The following ANKFN1 variants were observed in gnomAD, a reference collection of about 807,000 sequenced individuals.
ANKFN1 encodes the protein ankyrin repeat and fibronectin type-III domain-containing protein 1.
Under a neutral mutation model 108.7 loss-of-function variants are expected in ANKFN1, and 74 were observed. The ratio of observed to expected loss-of-function variants is 0.68; its 90% CI spans 0.56 to 0.83. The LOEUF is 0.83. Among genes scored for constraint, ANKFN1 ranks in the 40% least tolerant of loss-of-function variants. The pLI, the probability that ANKFN1 is intolerant of heterozygous loss-of-function variation, is 0.00. For synonymous variants in ANKFN1, 547 were observed against 516.2 expected, an observed-to-expected ratio of 1.06 and a Z score of -0.81; for missense variants, 1,505 against 1,382.3, an observed-to-expected ratio of 1.09 and a Z score of -1.41.
At chr17:56,359,570 G>T (rs1198464152) in intron 6 of ANKFN1, among the ~76,000 whole-genome samples, 1 of 152,068 alleles carries the variant, frequency 6.6e-6, no homozygotes, top group African/African-American at 2.4e-5. Flanking sequence ...GAACTAGAAA[G>T]TGTCACTCAG....
At chr17:56,322,343 C>T (rs2045395701) in intron 3 of ANKFN1, among the ~76,000 whole-genome samples, 1 of 152,128 alleles carries the variant, frequency 6.6e-6, no homozygotes, top group Non-Finnish European at 1.5e-5. Flanking sequence ...CTTTCATCTC[C>T]TAATTTACAT....
At position 56,510,627 on chromosome 17, in the gene ANKFN1, C is replaced by T. The variant is rs1200772561; in HGVS notation, c.2799C>T (p.Ser933=). 2.0e-6 allele frequency: 3 copies of T among 1,536,082 alleles called. No individual in the cohort carries two copies. Among genetic ancestry groups the T allele is most frequent in the Non-Finnish European group, 2.6e-6 (3 of 1,146,934 alleles). The change falls in exon 21 of 21, where the codon AGC becomes AGT. Residue 933 remains serine (S), a synonymous_variant. Coordinates refer to ENST00000682825, the MANE Select transcript of ANKFN1 (RefSeq NM_001370326.1). ...CGCAGCAGACCCTTAGCGGCCTAAG[C>T]GGCAGCGCCCCCGACGTCCTGCAAG... is the stretch of plus-strand genomic sequence containing the variant. ...DIAQQTLSGL[S]GSAPDVLQVH...
intron 8 of ANKFN1, among the ~76,000 whole-genome samples, chr17:56,423,526 G>A (rs766028616): frequency 3.9e-5 from 6 of 152,028 alleles, no homozygotes; most frequent in Admixed American, 6.5e-5. Context: ...AAGGCCTTCC[G>A]CATATCAACC....
chr17:56,132,833 C>T (rs914334135), intron 4 of ANKFN1, among the ~76,000 whole-genome samples: 3 of 152,088 alleles, frequency 2.0e-5, no homozygotes, highest in African/African-American at 7.2e-5. Flanking sequence ...TAATCCTATG[C>T]ATGAGTGGGA....
rs1198583894 is a variant in ANKFN1 at position 56,114,580 on chromosome 17, T to C, written c.288+68255T>C. Among the ~76,000 whole-genome samples the C allele has an allele frequency of 2.0e-5, 3 of 152,084 alleles. No individual in the cohort carries two copies. In the East Asian group the frequency reaches 5.8e-4, roughly 29 times the overall value. On this transcript the variant is annotated intron_variant, in intron 4 of 12. Transcript: ENST00000635860. ...AAACATAGTGTGAGGGGTGAGAAAT[T>C]AATACATACATTTGGAAAGCACTTT...
intron 6 of ANKFN1, among the ~76,000 whole-genome samples, chr17:56,358,747 C>T (rs1284382332): frequency 6.6e-6 from 1 of 152,158 alleles, no homozygotes; most frequent in Non-Finnish European, 1.5e-5. Context: ...TGTATAGAGG[C>T]ACCACAGGAC....
At position 56,408,003 on chromosome 17, in the gene ANKFN1, C is replaced by T. The variant is rs983717719; in HGVS notation, c.911-32324C>T. On this transcript the variant is annotated intron_variant, in intron 8 of 20. Transcript: ENST00000682825. ...AGGCTAGAGTGCAGTGGCGTGATTT[C>T]GGCTCACTGCAACCTCCGCCTCCCG... 8.2e-5 allele frequency among the ~76,000 whole-genome samples: 10 copies of T among 122,688 alleles called. No individual in the cohort carries two copies. In the East Asian group the frequency reaches 2.6e-3, roughly 33 times the overall value. The allele number at this position is 122,688 out of a possible 152,430, so 80.5% of individuals were successfully genotyped here. A position where few individuals can be genotyped will look rare whatever the true frequency, so the allele number is the denominator to read the frequency against.
intron 4 of ANKFN1, among the ~76,000 whole-genome samples, chr17:56,095,216 C>A (rs1905510641): frequency 6.6e-6 from 1 of 150,750 alleles, no homozygotes; most frequent in Non-Finnish European, 1.5e-5. Flanking sequence ...AGCAATGTAA[C>A]TATTTTCAGC....
upstream of ANKFN1, among the ~76,000 whole-genome samples, chr17:56,150,179 T>A (rs1464537002): frequency 6.6e-6 from 1 of 152,228 alleles, no homozygotes; most frequent in Non-Finnish European, 1.5e-5. Flanking sequence ...GGTCACAAAG[T>A]GGCAGCCCAG....
chr17:56,271,783 A>T (rs1279630952), intron 3 of ANKFN1, among the ~76,000 whole-genome samples: 1 of 152,208 alleles, frequency 6.6e-6, no homozygotes, highest in African/African-American at 2.4e-5. Context: ...GGGAGATTGC[A>T]TCCGGGGCTG....
At chr17:56,107,913 G>A (rs899346124) in intron 4 of ANKFN1, among the ~76,000 whole-genome samples, 15 of 152,134 alleles carry the variant, frequency 9.9e-5, no homozygotes, top group Non-Finnish European at 1.3e-4. Context: ...CCAGGCTGGA[G>A]TGCAATGGCA....
rs543644651 is a variant in ANKFN1, at chr17:56,304,070, G to C, written c.54-22151G>C. 1.1e-4 allele frequency among the ~76,000 whole-genome samples: 17 copies of C among 152,130 alleles called. No homozygotes were observed. In the South Asian group the frequency reaches 3.5e-3, roughly 32 times the overall value. On this transcript the variant is annotated intron_variant, in intron 3 of 20. Transcript: ENST00000682825. ...TCCAATGATAACAGTACCACAACCA[G>C]AATATTGATATTGTCAAGAAACAGA...
intron 4 of ANKFN1, among the ~76,000 whole-genome samples, chr17:56,056,028 T>C (rs1904871336): frequency 6.6e-6 from 1 of 152,068 alleles, no homozygotes; most frequent in South Asian, 2.1e-4. Flanking sequence ...TATTTCCTCT[T>C]TTGAAAAATA....
chr17:56,194,343 C>T (rs1913297753), intron 1 of ANKFN1, among the ~76,000 whole-genome samples: 1 of 152,036 alleles, frequency 6.6e-6, no homozygotes, highest in Non-Finnish European at 1.5e-5. Context: ...TTTATAATTG[C>T]CAAAGGTTGA....
chr17:56,166,326 C>T (rs954647005), intron 1 of ANKFN1, among the ~76,000 whole-genome samples: 5 of 152,150 alleles, frequency 3.3e-5, no homozygotes, highest in African/African-American at 1.2e-4. Flanking sequence ...GACATTCAGT[C>T]ACCACTACTT....
In ANKFN1 at chr17:56,088,791, C is replaced by G. The variant is rs528419028; in HGVS notation, c.288+42466C>G. ...TTGTCCTCCCTTGTGCTCTCCTCCC[C>G]CTTGAGAAGAGGAATGATAACCTCT... On this transcript the variant is annotated intron_variant, in intron 4 of 12. Transcript: ENST00000635860. Among the ~76,000 whole-genome samples, 14 of 151,440 alleles carry G rather than the reference C, an allele frequency of 9.2e-5. No homozygotes were observed. The South Asian group carries it at 2.9e-3, about 32-fold the overall frequency.
chr17:56,257,504 T>C (rs2043387685), intron 3 of ANKFN1, among the ~76,000 whole-genome samples: 1 of 152,182 alleles, frequency 6.6e-6, no homozygotes, highest in African/African-American at 2.4e-5. Context: ...ACCCAGATGA[T>C]ATGGTGGTGG....
intron 8 of ANKFN1, among the ~76,000 whole-genome samples, chr17:56,379,130 G>A (rs1489963060): frequency 6.6e-6 from 1 of 152,144 alleles, no homozygotes; most frequent in African/African-American, 2.4e-5. Flanking sequence ...CGGGCGCGGT[G>A]GTTCATGCCT....
intron 3 of ANKFN1, among the ~76,000 whole-genome samples, chr17:56,302,873 G>A (rs1186449993): frequency 6.6e-6 from 1 of 152,106 alleles, no homozygotes; most frequent in Non-Finnish European, 1.5e-5. Flanking sequence ...CCTTTAAATA[G>A]CTGCATGGTA....
Sources: allele counts gnomAD v4.1 joint callset (sites outside exome capture counted in the v4.1 genomes callset), GRCh38; gene constraint gnomAD v4.1.1; transcripts MANE v1.5; gene names NCBI Gene and HGNC (gene_info 2026-07-23, HGNC 2026-07-21).